RELN: variants seen among roughly 807,000 people sequenced by gnomAD.
RELN encodes reelin.
A neutral mutation model predicts 427.6 loss-of-function variants in RELN; 108 were observed. That is an observed-to-expected ratio of 0.25 (90% CI 0.22 to 0.30). RELN has a LOEUF of 0.30. Among genes scored for constraint, RELN ranks in the 10% least tolerant of loss-of-function variants. The pLI is 1.00. For missense variants in RELN, 3,715 were observed against 4,302.8 expected (o/e 0.86, Z 3.82); for synonymous variants, 1,524 against 1,513.4 (o/e 1.01, Z -0.16).
intron 3 of RELN, among the ~76,000 whole-genome samples, chr7:103,825,426 T>C (rs543609636): frequency 1.3e-5 from 2 of 152,216 alleles, no homozygotes; most frequent in East Asian, 3.9e-4. Flanking sequence ...CCATAGAAAC[T>C]GCTGCACTGG....
At chr7:103,751,754 G>A (rs551547738) in intron 5 of RELN, among the ~76,000 whole-genome samples, 159 of 152,296 alleles carry the variant, frequency 1.0e-3, no homozygotes, top group Non-Finnish European at 1.7e-3. Flanking sequence ...CCAAGCTGTA[G>A]CATTACATAA....
At chr7:103,713,464 T>G (rs570053495) in intron 8 of RELN, among the ~76,000 whole-genome samples, 13 of 152,138 alleles carry the variant, frequency 8.5e-5, no homozygotes, top group African/African-American at 2.9e-4. Context: ...GAAAGAGAGA[T>G]AGAGATGAAT....
At chr7:103,567,790 T>C (rs36040275) in intron 31 of RELN, among the ~76,000 whole-genome samples, 36,903 of 148,582 alleles carry the variant, frequency 0.25, 5,388 homozygotes, top group South Asian at 0.38. Flanking sequence ...ATATATATAT[T>C]TTATATATAT....
At chr7:103,550,751 G>A (rs963588725) in intron 41 of RELN, among the ~76,000 whole-genome samples, 2 of 151,994 alleles carry the variant, frequency 1.3e-5, no homozygotes, top group East Asian at 3.9e-4. Flanking sequence ...ATATTGTCAG[G>A]TGGGAGTAGG....
chr7:103,589,854 T>C, intron 27 of RELN, 26 bp from the exon 28 acceptor site: 2 of 1,488,248 alleles, frequency 1.3e-6, no homozygotes, highest in South Asian at 1.1e-5. Context: ...ACAAGAATTA[T>C]ACAAGATTTT....
At chr7:103,793,970 T>C (rs1048528469) in intron 3 of RELN, among the ~76,000 whole-genome samples, 1 of 152,176 alleles carries the variant, frequency 6.6e-6, no homozygotes, top group Non-Finnish European at 1.5e-5. Context: ...TTTCACCATG[T>C]TGGCCAGGCT....
At chr7:103,483,537 A>T in intron 62 of RELN, 116 bp downstream of exon 62, 1 of 1,020,004 alleles carries the variant, frequency 9.8e-7, no homozygotes, top group Non-Finnish European at 1.6e-6. Flanking sequence ...GCCACCACCT[A>T]GTTTTGTGGC....
At chr7:103,604,701 A>T (rs1301382708) in intron 22 of RELN, among the ~76,000 whole-genome samples, 1 of 152,192 alleles carries the variant, frequency 6.6e-6, no homozygotes, top group Non-Finnish European at 1.5e-5. Flanking sequence ...ATGCAATTCA[A>T]TCTTAATTTG....
At position 103,989,324 on chromosome 7, in the gene RELN, G is replaced by T; in HGVS notation, c.33C>A (p.Phe11Leu). The T allele has an allele frequency of 1.3e-6, 2 of 1,585,716 alleles. No homozygotes were observed. Among genetic ancestry groups the T allele is most frequent in the South Asian group, 2.2e-5 (2 of 89,286 alleles). The change falls in exon 1 of 65, where the codon TTC becomes TTA. Residue 11 changes from phenylalanine (F) to leucine (L), a missense_variant. By Grantham distance (22) the Phe-to-Leu change is conservative. Around this residue, in one of 4 missense-constraint regions of RELN, gnomAD observed 2,208 missense variants for 2,361.7 expected, o/e 0.93. Coordinates refer to ENST00000428762, the MANE Select transcript of RELN (RefSeq NM_005045.4). This position sits in a 1 kb window ranked among gnomAD's most constrained non-coding sequence, Gnocchi z 4.9. ...TCGCCCCCAGCAACAGCGCTAGGAG[G>T]AAAGTCTGCCGGGCCCAGCCACTGC... Reference protein sequence around the residue: MERSGWARQTFLLALLLGATL... With the variant: MERSGWARQTLLLALLLGATL...
chr7:103,756,364 A>C (rs1791154131), intron 4 of RELN, among the ~76,000 whole-genome samples: 1 of 152,176 alleles, frequency 6.6e-6, no homozygotes, highest in South Asian at 2.1e-4. Context: ...GCCAGATTTA[A>C]AATTCACTGG....
In RELN at chr7:103,530,121, TATC is replaced by T. The variant is rs200075750; in HGVS notation, c.7349+5192_7349+5194del. On this transcript the variant is annotated intron_variant, in intron 46 of 64. Transcript: ENST00000428762. ...CTATGTTCATGCCTCTGAAGTTCAT[TATC>T]TTCTCTTGGTCTCAGATCTTCATGT... Among the ~76,000 whole-genome samples the T allele has an allele frequency of 8.5e-5, 13 of 152,336 alleles. No individual in the cohort carries two copies. In the East Asian group the frequency reaches 2.5e-3, roughly 29 times the overall value.
At chr7:103,597,994 A>C (rs959455631) in intron 24 of RELN, among the ~76,000 whole-genome samples, 21 of 152,194 alleles carry the variant, frequency 1.4e-4, no homozygotes, top group Non-Finnish European at 2.5e-4. Flanking sequence ...AGTTCAATTA[A>C]AAGTCGGGAA....
chr7:103,984,239 T>C (rs1375403038), intron 1 of RELN, among the ~76,000 whole-genome samples: 1 of 152,066 alleles, frequency 6.6e-6, no homozygotes, highest in Non-Finnish European at 1.5e-5. Flanking sequence ...TCAAAAATGC[T>C]GACTTTAAAA....
At chr7:103,582,306 G>C (rs762926882) in intron 28 of RELN, among the ~76,000 whole-genome samples, 1 of 152,200 alleles carries the variant, frequency 6.6e-6, no homozygotes, top group Non-Finnish European at 1.5e-5. Context: ...GTGTTTCTCT[G>C]TCATAGTAGC....
intron 16 of RELN, among the ~76,000 whole-genome samples, chr7:103,648,531 G>T (rs907855746): frequency 6.6e-6 from 1 of 152,200 alleles, no homozygotes; most frequent in South Asian, 2.1e-4. Context: ...CCTAGGCAAA[G>T]AATTAATGAC....
intron 2 of RELN, among the ~76,000 whole-genome samples, chr7:103,859,194 G>A (rs762205804): frequency 2.2e-4 from 33 of 152,326 alleles, no homozygotes; most frequent in Non-Finnish European, 2.4e-4. Flanking sequence ...TCAAGTGTGT[G>A]CAGAATTCTA....
At position 103,886,971 on chromosome 7, in the gene RELN, C is replaced by T. The variant is rs74503667; in HGVS notation, c.337+30104G>A. 3.9e-3 allele frequency among the ~76,000 whole-genome samples: 601 copies of T among 152,228 alleles called. 21 individuals carry two copies. In the East Asian group the frequency reaches 0.071, roughly 18 times the overall value. ...ACAAATAAAACTATGAAAAAGATAA[C>T]ATAAAAACCAGCACAAAGTGATTTT... On this transcript the variant is annotated intron_variant, in intron 2 of 64. Coordinates refer to ENST00000428762, the MANE Select transcript of RELN (RefSeq NM_005045.4).
At chr7:103,740,070 G>A (rs894951874) in intron 6 of RELN, among the ~76,000 whole-genome samples, 9 of 152,088 alleles carry the variant, frequency 5.9e-5, no homozygotes, top group African/African-American at 2.2e-4. Context: ...GGGGACCAGA[G>A]GTGCATCCTC....
At chr7:103,622,519 G>A (rs963222030) in intron 20 of RELN, among the ~76,000 whole-genome samples, 2 of 152,164 alleles carry the variant, frequency 1.3e-5, no homozygotes, top group Admixed American at 6.6e-5. Flanking sequence ...CAAATTATTT[G>A]CTGGATTCCT....
Sources: gnomAD v4.1 joint callset for allele counts (sites outside exome capture counted in the v4.1 genomes callset) on GRCh38, gnomAD v4.1.1 for gene constraint, gnomAD v4.1.1 regional missense constraint, Gnocchi (gnomAD v3.1) non-coding constraint, MANE v1.5 for transcripts, NCBI Gene and HGNC (gene_info 2026-07-23, HGNC 2026-07-21) for gene names.